Variants in RAD51AP1 observed in about 807,000 individuals in gnomAD.
RAD51AP1 encodes the protein RAD51-associated protein 1.
Under a neutral mutation model 34.3 loss-of-function variants are expected in RAD51AP1, and 14 were observed. That is an observed-to-expected ratio of 0.41 (90% CI 0.27 to 0.64). RAD51AP1 has a LOEUF of 0.64. Among genes scored for constraint, RAD51AP1 ranks in the 30% least tolerant of loss-of-function variants. The pLI is 0.33. For missense variants in RAD51AP1, 348 were observed against 386.9 expected (o/e 0.90, Z 0.84); for synonymous variants, 114 against 129.8 (o/e 0.88, Z 0.83).
intron 6 of RAD51AP1, among the ~76,000 whole-genome samples, chr12:4,551,101 A>G (rs1490651767): frequency 1.3e-5 from 2 of 152,158 alleles, no homozygotes; most frequent in Admixed American, 1.3e-4. Flanking sequence ...CAAAGAATAT[A>G]CTTATGAAGT....
intron 4 of RAD51AP1, among the ~76,000 whole-genome samples, chr12:4,546,645 C>T (rs1390767362): frequency 1.3e-5 from 2 of 152,168 alleles, no homozygotes; most frequent in Non-Finnish European, 2.9e-5. Flanking sequence ...CTTGAGGGCA[C>T]GGACTGTGAG....
Position 4,548,685 on chromosome 12 carries a change from A to C in RAD51AP1, c.407-2A>C. Reference sequence around the variant, plus strand: ...CCATTGATTTTTATGCCTCTCCTGAAGATTTGGATAAGATTACTGTGGAAG... The same window carrying C: ...CCATTGATTTTTATGCCTCTCCTGACGATTTGGATAAGATTACTGTGGAAG... On this transcript the variant is annotated splice_acceptor_variant, in intron 5 of 8. Transcript: ENST00000352618. LOFTEE classifies it high-confidence loss of function. 1 of 1,610,226 alleles carries C rather than the reference A, an allele frequency of 6.2e-7. No individual in the cohort carries two copies. Among genetic ancestry groups the C allele is most frequent in the Non-Finnish European group, 8.5e-7 (1 of 1,178,884 alleles).
At position 4,559,696 on chromosome 12, in the gene RAD51AP1, C is replaced by T. The variant is rs7962720; in HGVS notation, c.*703C>T. The stretch of plus-strand genomic sequence containing the variant: ...ACATTTCATGATAAAATGAGAGCTC[C>T]GCAGAGAATGTTAGCCTTTCTGTTG... On this transcript the variant is annotated 3_prime_UTR_variant, in exon 9 of 9. Transcript: ENST00000352618. 152,338 of 152,338 alleles carry T rather than the reference C, an allele frequency of 1. 76,169 individuals are homozygous for T. Among genetic ancestry groups the T allele is most frequent in the Non-Finnish European group, 1 (68,032 of 68,032 alleles). The allele number at this position is 152,338 out of a possible 1,614,324, so 9.4% of individuals were successfully genotyped here.
intron 6 of RAD51AP1, among the ~76,000 whole-genome samples, chr12:4,549,591 C>T (rs1489641553): frequency 3.3e-5 from 5 of 152,044 alleles, no homozygotes; most frequent in Non-Finnish European, 5.9e-5. Flanking sequence ...AACGGAAATA[C>T]ATGAAAAAAG....
chr12:4,544,723 C>T (rs754312323), intron 3 of RAD51AP1, among the ~76,000 whole-genome samples: 1 of 152,008 alleles, frequency 6.6e-6, no homozygotes, highest in Non-Finnish European at 1.5e-5. Flanking sequence ...ACACAGAACT[C>T]GTAAAACTCA....
At chr12:4,555,050 G>A (rs1257417846) in intron 7 of RAD51AP1, among the ~76,000 whole-genome samples, 2 of 152,112 alleles carry the variant, frequency 1.3e-5, no homozygotes, top group African/African-American at 4.8e-5. Flanking sequence ...TGATCTAGAG[G>A]ATGCAGATGT....
At chr12:4,545,879 A>T in intron 3 of RAD51AP1, 1 of 1,578,096 alleles carries the variant, frequency 6.3e-7, no homozygotes, top group Non-Finnish European at 8.6e-7. Flanking sequence ...TGGGAGGAAG[A>T]GATGTAAAAA....
At chr12:4,544,924 A>G (rs1050638471) in intron 3 of RAD51AP1, among the ~76,000 whole-genome samples, 1 of 152,212 alleles carries the variant, frequency 6.6e-6, no homozygotes, top group Non-Finnish European at 1.5e-5. Context: ...ACAAAAGACA[A>G]GGAATGTGGA....
intron 7 of RAD51AP1, among the ~76,000 whole-genome samples, chr12:4,553,932 C>G (rs1002975444): frequency 1.3e-5 from 2 of 152,110 alleles, no homozygotes; most frequent in Admixed American, 1.3e-4. Context: ...GCTGCTGTCA[C>G]CTTCAGTAGC....
chr12:4,540,883 GC>G lies in RAD51AP1; in HGVS notation c.18-1000del, dbSNP rs1205628560. The stretch of plus-strand genomic sequence containing the variant: ...ACTTGTGAGATTGTCTGAGTTGTGA[GC>G]TGAGCTTACTACCTCTTTTTCATAG... On this transcript the variant is annotated intron_variant, in intron 1 of 8. Transcript: ENST00000352618. Among the ~76,000 whole-genome samples, 7 of 152,288 alleles carry G rather than the reference GC, an allele frequency of 4.6e-5. No homozygotes were observed. In the South Asian group the frequency reaches 6.2e-4, roughly 14 times the overall value.
intron 3 of RAD51AP1, among the ~76,000 whole-genome samples, chr12:4,544,750 C>T (rs143563964): frequency 1.3e-5 from 2 of 152,214 alleles, no homozygotes; most frequent in East Asian, 3.9e-4. Context: ...AAAAGACTAA[C>T]AACACAATTT....
intron 3 of RAD51AP1, among the ~76,000 whole-genome samples, chr12:4,544,505 T>C (rs1051901873): frequency 6.6e-6 from 1 of 152,202 alleles, no homozygotes; most frequent in Non-Finnish European, 1.5e-5. Context: ...ATGGCATATA[T>C]AATGTTTTAC....
At chr12:4,546,270 A>G in intron 3 of RAD51AP1, 39 bp from the exon 4 acceptor site, 1 of 1,412,196 alleles carries the variant, frequency 7.1e-7, no homozygotes, top group Non-Finnish European at 9.8e-7. Context: ...TGAGATTGAT[A>G]TTTTGAAGAA....
intron 8 of RAD51AP1, 85 bp from the exon 9 acceptor site, chr12:4,558,772 C>CT (rs534208756): frequency 1.0e-4 from 154 of 1,491,706 alleles, no homozygotes; most frequent in Admixed American, 1.7e-4. Flanking sequence ...GCTTAACTAC[C>CT]TTTTTTTTGC....
rs775499438 is a variant in RAD51AP1, at chr12:4,548,769, G to A, written c.489G>A (p.Gln163=). The stretch of plus-strand genomic sequence containing the variant: ...CAGCATCTAAAGCTGCAGCACAGCA[G>A]AGGAAGATTCTTCTGGAAGGCAGTG... The part of the protein sequence containing the change: ...RKAASKAAAQ[Q]RKILLEGSDG... The change falls in exon 6 of 9, where the codon CAG becomes CAA. Residue 163 remains glutamine, a synonymous_variant. Transcript: ENST00000352618. 6.2e-7 allele frequency: 1 copy of A among 1,614,146 alleles called. No homozygotes were observed. The highest frequency in any genetic ancestry group is 2.2e-5 in the East Asian group (1 of 44,880).
chr12:4,558,116 A>T (rs11063227), intron 8 of RAD51AP1, among the ~76,000 whole-genome samples: 39,477 of 151,574 alleles, frequency 0.26, 6,049 homozygotes, highest in African/African-American at 0.42. Flanking sequence ...AATTAGCCAG[A>T]GGCATAAATA....
At chr12:4,539,937 G>C (rs558416516) in intron 1 of RAD51AP1, among the ~76,000 whole-genome samples, 7 of 152,178 alleles carry the variant, frequency 4.6e-5, no homozygotes, top group Non-Finnish European at 1.0e-4. Context: ...CTGGCTGTTG[G>C]TGGAGAATAA....
chr12:4,547,995 T>A (rs1327086337), intron 4 of RAD51AP1, 97 bp from the exon 5 acceptor site: 8 of 1,240,040 alleles, frequency 6.5e-6, no homozygotes, highest in Non-Finnish European at 8.8e-6. Flanking sequence ...GATCATTTAT[T>A]TATATCTAAA....
At chr12:4,540,048 A>C (rs753404429) in intron 1 of RAD51AP1, among the ~76,000 whole-genome samples, 20 of 152,190 alleles carry the variant, frequency 1.3e-4, no homozygotes, top group Non-Finnish European at 2.6e-4. Flanking sequence ...GGAATGGAAC[A>C]GATGAATTTG....
Sources: gnomAD v4.1 joint callset for allele counts (sites outside exome capture counted in the v4.1 genomes callset) on GRCh38, gnomAD v4.1.1 for gene constraint, MANE v1.5 for transcripts, NCBI Gene and HGNC (gene_info 2026-07-23, HGNC 2026-07-21) for gene names.